OR6C4: variants seen among roughly 807,000 people sequenced by gnomAD.
OR6C4 encodes olfactory receptor family 6 subfamily C member 4, also known as olfactory receptor 6C4.
Under a neutral mutation model 15.1 loss-of-function variants are expected in OR6C4, and 20 were observed. The ratio of observed to expected loss-of-function variants is 1.32; its 90% CI spans 0.93 to 1.92. The LOEUF (loss-of-function observed/expected upper bound fraction) is 1.92. OR6C4 is among the 30% of genes most tolerant of loss of function. The pLI, the probability that OR6C4 is intolerant of heterozygous loss-of-function variation, is 0.00. For missense variants in OR6C4, 491 were observed against 363.2 expected (o/e 1.35, Z -2.86); for synonymous variants, 179 against 134.2 (o/e 1.33, Z -2.31).
Position 55,551,695 on chromosome 12 carries a change from C to A in OR6C4, c.469C>A (p.Pro157Thr). 1 of 1,613,894 alleles carries A rather than the reference C, an allele frequency of 6.2e-7. No homozygotes were observed. The highest frequency in any genetic ancestry group is 8.5e-7 in the Non-Finnish European group (1 of 1,179,856). The change falls in exon 2 of 2, where the codon CCA (proline) becomes ACA (threonine). Residue 157 changes from proline (P) to threonine (T), a missense_variant. By Grantham distance (38) the Pro-to-Thr change is conservative. Transcript: ENST00000641569. ...WLGGFLAILPPIILMTQVDFC... is the reference protein window; with the variant it reads ...WLGGFLAILPTIILMTQVDFC... ...GGGGGGATTCCTAGCAATCTTACCA[C>A]CAATCATCCTGATGACCCAGGTAGA...
In OR6C4 at chr12:55,551,842, A is replaced by C. The variant is rs750194566; in HGVS notation, c.616A>C (p.Met206Leu). 5.6e-6 allele frequency: 9 copies of C among 1,613,582 alleles called. No homozygotes were observed. The Admixed American group carries it at 1.3e-4, about 24-fold the overall frequency. ...MVILLAVVTL[M>L]VTLVLVTLSY... is the part of the protein sequence containing the mutation. ...CATCCTCTTGGCCGTTGTGACTCTC[A>C]TGGTTACTCTGGTGCTGGTGACACT... The change falls in exon 2 of 2, where the codon ATG becomes CTG. Residue 206 changes from methionine to leucine, a missense_variant. Transcript: ENST00000641569.
In OR6C4 at chr12:55,551,496, C is replaced by G. The variant is rs369594113; in HGVS notation, c.270C>G (p.Ile90Met). 4.8e-5 allele frequency: 78 copies of G among 1,613,920 alleles called. 3 individuals are homozygous for G. The Middle Eastern group carries it at 4.0e-3, about 82-fold the overall frequency. Reference protein sequence around the residue: ...LTSMTTGNKVISFAGCLTQYF... With the variant: ...LTSMTTGNKVMSFAGCLTQYF... ...GCATGACAACAGGAAATAAAGTTAT[C>G]AGCTTTGCTGGCTGCTTGACTCAGT... Residue 90 changes from isoleucine to methionine, a missense_variant, in exon 2 of 2, where the codon ATC (isoleucine) becomes ATG (methionine). By Grantham distance (10) the Ile-to-Met change is conservative (BLOSUM62 1). Transcript: ENST00000641569.
Position 55,551,293 on chromosome 12 carries a change from GTGA to G in OR6C4, c.72_74del (p.Met24del), listed in dbSNP as rs766027702. 3.7e-6 allele frequency: 6 copies of G among 1,613,526 alleles called. No homozygotes were observed. The highest frequency in any genetic ancestry group is 5.1e-6 in the Non-Finnish European group (6 of 1,179,772). The stretch of plus-strand genomic sequence containing the variant: ...CCTTACAAATCAACCTGAACTCCAA[GTGA>G]TGATATTCATCTTTCTGTTCCTCAC... On this transcript the variant is annotated inframe_deletion, in exon 2 of 2. Transcript: ENST00000641569.
chr12:55,551,361 C>T lies in OR6C4; in HGVS notation c.135C>T (p.Thr45=). The change falls in exon 2 of 2, where the codon ACC becomes ACT. Residue 45 remains threonine, a synonymous_variant. Coordinates refer to ENST00000641569, the MANE Select transcript of OR6C4 (RefSeq NM_001005494.2). ...TCCTAGGAAATCTGACTATTATCAC[C>T]CTCACCTTACTAGACCCCCACCTCC... ...LSILGNLTII[T]LTLLDPHLQT... 2 of 1,613,712 alleles carry T rather than the reference C, an allele frequency of 1.2e-6. No individual in the cohort carries two copies. Among genetic ancestry groups the T allele is most frequent in the African/African-American group, 1.3e-5 (1 of 74,970 alleles).
At chr12:55,551,031 G>A (rs761782429) in intron 1 of OR6C4, among the ~76,000 whole-genome samples, 178 bp from the exon 2 acceptor site, 1 of 152,072 alleles carries the variant, frequency 6.6e-6, no homozygotes, top group Admixed American at 6.6e-5. Flanking sequence ...AATGAAAAAG[G>A]TCACTTAAAC....
At position 55,549,672 on chromosome 12, in the gene OR6C4, C is replaced by G. The variant is rs1248954868; in HGVS notation, c.-465C>G. On this transcript the variant is annotated 5_prime_UTR_variant, in exon 1 of 2. Transcript: ENST00000641569. Reference sequence around the variant, plus strand: ...TAGAACATAAATTTTCAGAAATTTTCTGTCTCTCAAAGTATTTTCTTCCAA... The same window carrying G: ...TAGAACATAAATTTTCAGAAATTTTGTGTCTCTCAAAGTATTTTCTTCCAA... 3.3e-5 allele frequency: 5 copies of G among 152,144 alleles called. No homozygotes were observed. Among genetic ancestry groups the G allele is most frequent in the Non-Finnish European group, 7.4e-5 (5 of 68,016 alleles). 9.4% of individuals were successfully genotyped at this position (152,144 alleles called of 1,614,324 possible). A position where few individuals can be genotyped will look rare whatever the true frequency, so the allele number is the denominator to read the frequency against.
intron 1 of OR6C4, among the ~76,000 whole-genome samples, chr12:55,550,967 T>A (rs73326066): frequency 0.014 from 2,137 of 152,092 alleles, 52 homozygotes; most frequent in African/African-American, 0.048. Context: ...TGAAAAAAAA[T>A]GAGTTATTCT....
rs58154171 is a variant in OR6C4, at chr12:55,551,435, C to T, written c.209C>T (p.Ser70Phe). The T allele has an allele frequency of 3.7e-3, 6,042 of 1,613,864 alleles. 213 individuals carry two copies. In the African/African-American group the frequency reaches 0.072, roughly 19 times the overall value. ...CGGAATTTCTCCTTCTTAGAAATTT[C>T]CTTCACATCCATTTTTATTCCCAGA... Reference protein sequence around the residue: ...FLRNFSFLEISFTSIFIPRFL... With the variant: ...FLRNFSFLEIFFTSIFIPRFL... The change falls in exon 2 of 2, where the codon TCC (serine) becomes TTC (phenylalanine). Residue 70 changes from serine (S) to phenylalanine (F), a missense_variant. Coordinates refer to ENST00000641569, the MANE Select transcript of OR6C4 (RefSeq NM_001005494.2).
chr12:55,555,187 C>T lies in OR6C4; in HGVS notation c.*3031C>T, dbSNP rs1201628344. On this transcript the variant is annotated 3_prime_UTR_variant, in exon 2 of 2. Coordinates refer to ENST00000641569, the MANE Select transcript of OR6C4 (RefSeq NM_001005494.2). The stretch of plus-strand genomic sequence containing the variant: ...GAGTACAAGTGGCCTTTTGTTACAT[C>T]AGTGAATTAAATAGTGGTGAATTCT... 6.6e-6 allele frequency: 1 copy of T among 152,036 alleles called. No individual in the cohort carries two copies. Among genetic ancestry groups the T allele is most frequent in the East Asian group, 1.9e-4 (1 of 5,188 alleles). The allele number at this position is 152,036 out of a possible 1,614,324, so 9.4% of individuals were successfully genotyped here.
rs1202836845 is a variant in OR6C4 at position 55,552,794 on chromosome 12, T to C, written c.*638T>C. ...CCAAATGAGGAGAAAATTTTTAAGA[T>C]TTTTGTCAACTTAATATGTCCATTT... On this transcript the variant is annotated 3_prime_UTR_variant, in exon 2 of 2. Transcript: ENST00000641569. The C allele has an allele frequency of 6.6e-6, 1 of 152,104 alleles. No individual in the cohort carries two copies. Among genetic ancestry groups the C allele is most frequent in the South Asian group, 2.1e-4 (1 of 4,830 alleles). 9.4% of individuals were successfully genotyped at this position (152,104 alleles called of 1,614,324 possible). A position where few individuals can be genotyped will look rare whatever the true frequency, so the allele number is the denominator to read the frequency against.
At position 55,551,313 on chromosome 12, in the gene OR6C4, G is replaced by A. The variant is rs370216623; in HGVS notation, c.87G>A (p.Leu29=). 11 of 1,613,396 alleles carry A rather than the reference G, an allele frequency of 6.8e-6. No individual in the cohort carries two copies. The African/African-American group carries it at 1.2e-4, about 18-fold the overall frequency. ...TCCAAGTGATGATATTCATCTTTCT[G>A]TTCCTCACCTACATGCTAAGTATCC... ...PELQVMIFIF[L]FLTYMLSILG... The change falls in exon 2 of 2, where the codon CTG becomes CTA. Residue 29 remains leucine, a synonymous_variant. Coordinates refer to ENST00000641569, the MANE Select transcript of OR6C4 (RefSeq NM_001005494.2).
chr12:55,552,138 A>G lies in OR6C4; in HGVS notation c.912A>G (p.Lys304=), dbSNP rs1346051618. Residue 304 remains lysine (K), a synonymous_variant, in exon 2 of 2, where the codon AAA becomes AAG. Transcript: ENST00000641569. ...QVKQAFKDSV[K]KIVKL is the part of the protein sequence containing the mutation. ...AACAAGCTTTCAAGGACTCAGTCAA[A>G]AAGATTGTGAAACTTTAAAAAAGGA... is the stretch of plus-strand genomic sequence containing the variant. 5.6e-6 allele frequency: 9 copies of G among 1,594,818 alleles called. No individual in the cohort carries two copies. Among genetic ancestry groups the G allele is most frequent in the African/African-American group, 4.1e-5 (3 of 73,606 alleles).
At position 55,551,321 on chromosome 12, in the gene OR6C4, C is replaced by T. The variant is rs1363070571; in HGVS notation, c.95C>T (p.Thr32Ile). Residue 32 changes from threonine (T) to isoleucine (I), a missense_variant, in exon 2 of 2, where the codon ACC becomes ATC. Transcript: ENST00000641569. ...ATGATATTCATCTTTCTGTTCCTCA[C>T]CTACATGCTAAGTATCCTAGGAAAT... ...QVMIFIFLFL[T>I]YMLSILGNLT... The T allele has an allele frequency of 1.2e-6, 2 of 1,613,332 alleles. No homozygotes were observed. The highest frequency in any genetic ancestry group is 1.3e-5 in the African/African-American group (1 of 74,876).
rs916881202 is a variant in OR6C4, at chr12:55,552,663, T to C, written c.*507T>C. 2 of 152,134 alleles carry C rather than the reference T, an allele frequency of 1.3e-5. No individual in the cohort carries two copies. The highest frequency in any genetic ancestry group is 4.8e-5 in the African/African-American group (2 of 41,440). The allele number at this position is 152,134 out of a possible 1,614,324, so 9.4% of individuals were successfully genotyped here. On this transcript the variant is annotated 3_prime_UTR_variant, in exon 2 of 2. Transcript: ENST00000641569. ...TATGTTTCCATCGAGGAGTGAATAATTTTTCTTCTCCTCCATTTTTTCATC... is the reference window on the plus strand; with the variant it reads ...TATGTTTCCATCGAGGAGTGAATAACTTTTCTTCTCCTCCATTTTTTCATC...
Position 55,550,997 on chromosome 12 carries a change from GC to G in OR6C4, c.-18-209del, listed in dbSNP as rs1322964164. ...TATTCTATAATAAGTTTTCTTAAGT[GC>G]CCAGGAACAGGTCAACTTGAGAAAT... On this transcript the variant is annotated intron_variant, in intron 1 of 1. Transcript: ENST00000641569. Among the ~76,000 whole-genome samples the G allele has an allele frequency of 2.0e-5, 3 of 152,124 alleles. No individual in the cohort carries two copies. In the East Asian group the frequency reaches 5.8e-4, roughly 29 times the overall value.
intron 1 of OR6C4, 143 bp from the exon 2 acceptor site, chr12:55,551,066 C>T: frequency 1.7e-6 from 1 of 582,584 alleles, no homozygotes; most frequent in Middle Eastern, 4.4e-4. Context: ...TTGCATGGAG[C>T]CAAGTGCACC....
Position 55,553,641 on chromosome 12 carries a change from A to T in OR6C4, c.*1485A>T, listed in dbSNP as rs1052527031. 3.3e-5 allele frequency: 5 copies of T among 152,186 alleles called. No homozygotes were observed. Among genetic ancestry groups the T allele is most frequent in the African/African-American group, 1.2e-4 (5 of 41,456 alleles). 9.4% of individuals were successfully genotyped at this position (152,186 alleles called of 1,614,324 possible). ...ATTCAATATATTCCAAATTTAATGC[A>T]CTACAAGAACAAGAAGTGTTCTTGA... On this transcript the variant is annotated 3_prime_UTR_variant, in exon 2 of 2. Coordinates refer to ENST00000641569, the MANE Select transcript of OR6C4 (RefSeq NM_001005494.2).
At position 55,551,979 on chromosome 12, in the gene OR6C4, C is replaced by A. The variant is rs1170577847; in HGVS notation, c.753C>A (p.Gly251=). 6.2e-7 allele frequency: 1 copy of A among 1,613,846 alleles called. No individual in the cohort carries two copies. Among genetic ancestry groups the A allele is most frequent in the Non-Finnish European group, 8.5e-7 (1 of 1,179,894 alleles). ...TGATTGTCATCTCCCTCTCTTATGG[C>A]AGCTGCATGTTTATGTACATTAATC... ...SHMIVISLSY[G]SCMFMYINPS... The change falls in exon 2 of 2, where the codon GGC becomes GGA. Residue 251 remains glycine (G), a synonymous_variant. Transcript: ENST00000641569.
rs1384838542 is a variant in OR6C4, at chr12:55,553,477, C to T, written c.*1321C>T. 2 of 152,060 alleles carry T rather than the reference C, an allele frequency of 1.3e-5. No individual in the cohort carries two copies. Among genetic ancestry groups the T allele is most frequent in the Non-Finnish European group, 2.9e-5 (2 of 68,012 alleles). The allele number at this position is 152,060 out of a possible 1,614,324, so 9.4% of individuals were successfully genotyped here. Reference sequence around the variant, plus strand: ...CATTTAAGGAACAAGCTGGATTGAACTGATTATGAGAGCAAATTATCAGAG... The same window carrying T: ...CATTTAAGGAACAAGCTGGATTGAATTGATTATGAGAGCAAATTATCAGAG... On this transcript the variant is annotated 3_prime_UTR_variant, in exon 2 of 2. Transcript: ENST00000641569.
Sources: gnomAD v4.1 joint callset for allele counts (sites outside exome capture counted in the v4.1 genomes callset) on GRCh38, gnomAD v4.1.1 for gene constraint, MANE v1.5 for transcripts, NCBI Gene and HGNC (gene_info 2026-07-23, HGNC 2026-07-21) for gene names.